The following VPS72 variants were observed in gnomAD, a reference collection of about 807,000 sequenced individuals.
VPS72 encodes the protein vacuolar protein sorting 72 homolog.
Under a neutral mutation model 38.9 loss-of-function variants are expected in VPS72, and 27 were observed. The ratio of observed to expected loss-of-function variants is 0.69; its 90% CI spans 0.51 to 0.96. The LOEUF (loss-of-function observed/expected upper bound fraction) is 0.96, where lower values mean the gene tolerates loss of function less well. Ranked by LOEUF, VPS72 falls within the 40% of genes least tolerant of loss-of-function variation. The pLI is 0.00. For missense variants in VPS72, 360 were observed against 479.5 expected, an observed-to-expected ratio of 0.75 and a Z score of 2.33; for synonymous variants, 173 against 186.3, an observed-to-expected ratio of 0.93 and a Z score of 0.58.
In VPS72 at chr1:151,190,021, T is replaced by A; in HGVS notation, c.101A>T (p.Tyr34Phe). Reference sequence around the variant, plus strand: ...GGATCTTGCCTCTGTGAAACCCCCATAAGTCGTCTGGTAGAACTCATCTTC... The same window carrying A: ...GGATCTTGCCTCTGTGAAACCCCCAAAAGTCGTCTGGTAGAACTCATCTTC... The part of the protein sequence containing the change: ...EEEDEFYQTT[Y>F]GGFTEESGDD... The change falls in exon 1 of 6, where the codon TAT becomes TTT. Residue 34 changes from tyrosine to phenylalanine, a missense_variant. This residue lies in a region of VPS72 where 66 missense variants were observed against 123.1 expected (regional missense o/e 0.54). Transcript: ENST00000368892. The A allele has an allele frequency of 6.2e-7, 1 of 1,614,038 alleles. No homozygotes were observed. Among genetic ancestry groups the A allele is most frequent in the Non-Finnish European group, 8.5e-7 (1 of 1,179,982 alleles).
chr1:151,180,020 T>TA (rs775891323), intron 4 of VPS72, among the ~76,000 whole-genome samples: 1 of 151,686 alleles, frequency 6.6e-6, no homozygotes, highest in Admixed American at 6.6e-5. Context: ...AGTCTGACCA[T>TA]AAAAGAGTAC....
chr1:151,178,069 G>A lies in VPS72; in HGVS notation c.639C>T (p.Thr213=). The A allele has an allele frequency of 6.2e-7, 1 of 1,614,128 alleles. No homozygotes were observed. Among genetic ancestry groups the A allele is most frequent in the Non-Finnish European group, 8.5e-7 (1 of 1,180,032 alleles). The part of the protein sequence containing the change: ...KKRKCPGPII[T]YHSVTVPLVG... ...CAAGTGGCACTGTCACTGAATGATA[G>A]GTGATTATGGGCCCGGGGCACTTCC... Residue 213 remains threonine, a synonymous_variant, in exon 5 of 6, where the codon ACC becomes ACT. Transcript: ENST00000368892.
chr1:151,189,989 C>T lies in VPS72; in HGVS notation c.117+16G>A, dbSNP rs1358472605. On this transcript the variant is annotated intron_variant, in intron 1 of 5. Coordinates refer to ENST00000368892, the MANE Select transcript of VPS72 (RefSeq NM_005997.3). ...CTTTGCCTCCTCCCCTCCCTTTTCCCAGGCCCGGATCTTGCCTCTGTGAAA... is the reference window on the plus strand; with the variant it reads ...CTTTGCCTCCTCCCCTCCCTTTTCCTAGGCCCGGATCTTGCCTCTGTGAAA... 6 of 1,613,614 alleles carry T rather than the reference C, an allele frequency of 3.7e-6. No homozygotes were observed. Among genetic ancestry groups the T allele is most frequent in the Non-Finnish European group, 5.1e-6 (6 of 1,179,704 alleles).
Position 151,185,490 on chromosome 1 carries a change from T to C in VPS72, c.385+16A>G. The C allele has an allele frequency of 6.2e-7, 1 of 1,612,394 alleles. No homozygotes were observed. Among genetic ancestry groups the C allele is most frequent in the African/African-American group, 1.3e-5 (1 of 74,990 alleles). Reference sequence around the variant, plus strand: ...ATATTCCAATTTTGCCAATTGACCCTAACATCCCTACTCACTGTCAGAGCC... The same window carrying C: ...ATATTCCAATTTTGCCAATTGACCCCAACATCCCTACTCACTGTCAGAGCC... On this transcript the variant is annotated intron_variant, in intron 3 of 5. Transcript: ENST00000368892.
At chr1:151,182,843 T>C (rs587766594) in intron 4 of VPS72, among the ~76,000 whole-genome samples, 2 of 152,342 alleles carry the variant, frequency 1.3e-5, no homozygotes, top group South Asian at 4.1e-4. Flanking sequence ...TTTTAGTGTC[T>C]GCAGGACTCT....
intron 1 of VPS72, among the ~76,000 whole-genome samples, chr1:151,189,694 C>T (rs1684421929): frequency 6.6e-6 from 1 of 152,076 alleles, no homozygotes; most frequent in South Asian, 2.1e-4. Context: ...GTATGCTGGA[C>T]GTCAGAAGTA....
In VPS72 at chr1:151,176,960, C is replaced by G; in HGVS notation, c.779G>C (p.Arg260Pro). Residue 260 changes from arginine (R) to proline (P), a missense_variant, in exon 6 of 6, where the codon CGC becomes CCC. Arg to Pro is a moderately radical substitution (Grantham distance 103, BLOSUM62 -2). Coordinates refer to ENST00000368892, the MANE Select transcript of VPS72 (RefSeq NM_005997.3). ...AGTGPVNPPARCSRTFITFSD... is the reference protein window; with the variant it reads ...AGTGPVNPPAPCSRTFITFSD... ...AAAAGTGATGAAGGTACGTGAGCAG[C>G]GAGCAGGGGGGTTGACGGGTCCAGT... 6.2e-7 allele frequency: 1 copy of G among 1,609,774 alleles called. No individual in the cohort carries two copies. Among genetic ancestry groups the G allele is most frequent in the Non-Finnish European group, 8.5e-7 (1 of 1,177,020 alleles).
In VPS72 at chr1:151,178,076, A is replaced by G; in HGVS notation, c.632T>C (p.Ile211Thr). 1 of 1,614,080 alleles carries G rather than the reference A, an allele frequency of 6.2e-7. No individual in the cohort carries two copies. Residue 211 changes from isoleucine (I) to threonine (T), a missense_variant, in exon 5 of 6, where the codon ATA becomes ACA. Ile to Thr is a moderately conservative substitution (Grantham distance 89). Around this residue, in one of 2 missense-constraint regions of VPS72, gnomAD observed 294 missense variants for 356.3 expected, o/e 0.83. Transcript: ENST00000368892. ...VHKKRKCPGP[I>T]ITYHSVTVPL... ...CACTGTCACTGAATGATAGGTGATT[A>G]TGGGCCCGGGGCACTTCCGCTTCTT...
chr1:151,177,856 GAA>G lies in VPS72; in HGVS notation c.707+143_707+144del, dbSNP rs1684152048. ...GCATCATGTCTCAAAAAAAAAAAAA[GAA>G]AAAGAAATTGAGCTGAAGGGAGTTA... On this transcript the variant is annotated intron_variant, in intron 5 of 5. Transcript: ENST00000368892. 116 of 902,780 alleles carry G rather than the reference GAA, an allele frequency of 1.3e-4. 3 individuals carry two copies. The South Asian group carries it at 2.0e-3, about 16-fold the overall frequency. 55.9% of individuals were successfully genotyped at this position (902,780 alleles called of 1,614,324 possible).
intron 4 of VPS72, among the ~76,000 whole-genome samples, chr1:151,178,713 A>G (rs965694129): frequency 6.6e-6 from 1 of 152,128 alleles, no homozygotes; most frequent in Non-Finnish European, 1.5e-5. Context: ...AAATCTCGCA[A>G]CCCTGGGTCT....
chr1:151,176,761 G>A lies in VPS72; in HGVS notation c.978C>T (p.Tyr326=), dbSNP rs769927384. 27 of 1,614,114 alleles carry A rather than the reference G, an allele frequency of 1.7e-5. No homozygotes were observed. The highest frequency in any genetic ancestry group is 2.3e-5 in the Non-Finnish European group (27 of 1,180,046). Residue 326 remains tyrosine, a synonymous_variant, in exon 6 of 6, where the codon TAC becomes TAT. Transcript: ENST00000368892. ...FKIIREAYKK[Y]ITAHGLPPTA... ...TGGGCGGCAGTCCATGGGCAGTAATGTACTTCTTGTAAGCCTCACGAATGA... is the reference window on the plus strand; with the variant it reads ...TGGGCGGCAGTCCATGGGCAGTAATATACTTCTTGTAAGCCTCACGAATGA...
intron 1 of VPS72, among the ~76,000 whole-genome samples, chr1:151,189,526 T>C (rs770529734): frequency 6.6e-6 from 1 of 152,206 alleles, no homozygotes; most frequent in Non-Finnish European, 1.5e-5. Context: ...GTTATCTTCC[T>C]GAGAAAACAT....
At chr1:151,188,493 G>C (rs587663100) in intron 1 of VPS72, among the ~76,000 whole-genome samples, 1 of 152,348 alleles carries the variant, frequency 6.6e-6, no homozygotes, top group South Asian at 2.1e-4. Flanking sequence ...TCCTCTGGAT[G>C]AAGAGCAAAA....
chr1:151,185,608 TC>T lies in VPS72; in HGVS notation c.282del (p.Ser95AlafsTer2). 3 of 1,614,038 alleles carry T rather than the reference TC, an allele frequency of 1.9e-6. No homozygotes were observed. The South Asian group carries it at 3.3e-5, about 18-fold the overall frequency. ...VVTKAYKEPLKSLRPRKVNTP... is the reference protein window; with the variant it reads ...VVTKAYKEPLXSLRPRKVNTP... Reference sequence around the variant, plus strand: ...GTGTTGACCTTTCGAGGCCTTAAGCTCTTGAGAGGTTCCTGAGGACAGATTG... The same window carrying T: ...GTGTTGACCTTTCGAGGCCTTAAGCTTTGAGAGGTTCCTGAGGACAGATTG... On this transcript the variant is annotated frameshift_variant, in exon 3 of 6. Coordinates refer to ENST00000368892, the MANE Select transcript of VPS72 (RefSeq NM_005997.3). LOFTEE classifies it high-confidence loss of function.
chr1:151,177,396 A>G (rs1684137970), intron 5 of VPS72, among the ~76,000 whole-genome samples: 1 of 151,692 alleles, frequency 6.6e-6, no homozygotes, highest in Non-Finnish European at 1.5e-5. Flanking sequence ...TCAAAAAAAA[A>G]AAAAAAAGAA....
chr1:151,178,430 T>C (rs1275695012), intron 4 of VPS72, among the ~76,000 whole-genome samples: 1 of 152,194 alleles, frequency 6.6e-6, no homozygotes, highest in Non-Finnish European at 1.5e-5. Flanking sequence ...GCTTATTTGC[T>C]TTCCCAGATA....
intron 4 of VPS72, among the ~76,000 whole-genome samples, chr1:151,180,083 C>A (rs1244367279): frequency 6.6e-6 from 1 of 151,886 alleles, no homozygotes; most frequent in Non-Finnish European, 1.5e-5. Flanking sequence ...CTTTGGGAGG[C>A]CTAGGCGGGT....
intron 1 of VPS72, among the ~76,000 whole-genome samples, chr1:151,186,588 G>A (rs1181107147): frequency 6.6e-6 from 1 of 151,654 alleles, no homozygotes; most frequent in Non-Finnish European, 1.5e-5. Context: ...AGGATGAAGA[G>A]GACTTAAACT....
At chr1:151,180,564 A>G (rs1684216702) in intron 4 of VPS72, among the ~76,000 whole-genome samples, 1 of 151,836 alleles carries the variant, frequency 6.6e-6, no homozygotes, top group South Asian at 2.1e-4. Context: ...CAGCCTCCTG[A>G]GTAGCAGGGA....
Sources: allele counts gnomAD v4.1 joint callset (sites outside exome capture counted in the v4.1 genomes callset), GRCh38; gene constraint gnomAD v4.1.1; regional missense constraint gnomAD v4.1.1; transcripts MANE v1.5; gene names NCBI Gene and HGNC (gene_info 2026-07-23, HGNC 2026-07-21).